Variants in ZFHX3 observed in about 807,000 individuals in gnomAD.
ZFHX3 encodes zinc finger homeobox protein 3.
ZFHX3 carries 42 observed loss-of-function variants against 279.1 expected under a neutral mutation model. That is an observed-to-expected ratio of 0.15 (90% CI 0.12 to 0.19). ZFHX3 has a LOEUF of 0.19. Ranked by LOEUF, ZFHX3 falls within the 10% of genes least tolerant of loss-of-function variation. ZFHX3 has a pLI of 1.00. For missense variants in ZFHX3, 4,981 were observed against 4,754.0 expected (o/e 1.05, Z -1.40); for synonymous variants, 2,293 against 1,957.8 (o/e 1.17, Z -4.52).
intron 2 of ZFHX3, among the ~76,000 whole-genome samples, chr16:73,644,276 T>C (rs995744743): frequency 6.6e-6 from 1 of 152,070 alleles, no homozygotes; most frequent in Non-Finnish European, 1.5e-5. Context: ...TCCCTGCACA[T>C]CTCCCTTTGG....
chr16:72,789,016 A>G, intron 9 of ZFHX3, 168 bp from the exon 10 acceptor site: 2 of 971,214 alleles, frequency 2.1e-6, no homozygotes, highest in Non-Finnish European at 2.9e-6. Context: ...TCAGGGCTGG[A>G]CAACCTTGTA....
intron 5 of ZFHX3, among the ~76,000 whole-genome samples, chr16:73,173,047 T>G (rs62052437): frequency 0.45 from 51,115 of 114,580 alleles, 12,145 homozygotes; most frequent in Middle Eastern, 0.53. Context: ...AAGAGAACAG[T>G]CAGGGAAGGG....
At chr16:73,515,833 T>C (rs1043815084) in intron 2 of ZFHX3, among the ~76,000 whole-genome samples, 2 of 152,202 alleles carry the variant, frequency 1.3e-5, no homozygotes, top group Admixed American at 1.3e-4. Context: ...GCTGTTTAAA[T>C]GCAATGATTA....
At chr16:72,990,737 C>A (rs1270188323) in intron 1 of ZFHX3, among the ~76,000 whole-genome samples, 2 of 152,098 alleles carry the variant, frequency 1.3e-5, no homozygotes, top group African/African-American at 4.8e-5. Flanking sequence ...TCCCAGTACT[C>A]TGAGAGTCCG....
chr16:73,236,449 G>C (rs1366746968), intron 5 of ZFHX3, among the ~76,000 whole-genome samples: 4 of 152,140 alleles, frequency 2.6e-5, no homozygotes, highest in Non-Finnish European at 5.9e-5. Flanking sequence ...AATTAGCCAG[G>C]CCTGGTGGCA....
At chr16:72,828,380 A>G (rs2036983741) in intron 5 of ZFHX3, among the ~76,000 whole-genome samples, 1 of 152,168 alleles carries the variant, frequency 6.6e-6, no homozygotes. Context: ...AAAAACCCTA[A>G]GCTTTTTTAG....
chr16:73,333,043 A>G (rs2015836209), intron 3 of ZFHX3, among the ~76,000 whole-genome samples: 1 of 151,238 alleles, frequency 6.6e-6, no homozygotes, highest in East Asian at 1.9e-4. Flanking sequence ...TCCCCCTTAC[A>G]TTTACTTACT....
chr16:72,882,997 T>G lies in ZFHX3; in HGVS notation c.3448+6734A>C, dbSNP rs906197167. 3.1e-4 allele frequency among the ~76,000 whole-genome samples: 40 copies of G among 127,246 alleles called. 2 individuals carry two copies. Among genetic ancestry groups the G allele is most frequent in the South Asian group, 8.3e-4 (3 of 3,624 alleles). 83.5% of individuals were successfully genotyped at this position (127,246 alleles called of 152,430 possible). ...TCTGGGGTGTGTGTGTGTGTGTGTGTGTGTGTGTGTGTGTGTGTGTGTGTG... is the reference window on the plus strand; with the variant it reads ...TCTGGGGTGTGTGTGTGTGTGTGTGGGTGTGTGTGTGTGTGTGTGTGTGTG... On this transcript the variant is annotated intron_variant, in intron 4 of 9. Coordinates refer to ENST00000268489, the MANE Select transcript of ZFHX3 (RefSeq NM_006885.4).
intron 1 of ZFHX3, among the ~76,000 whole-genome samples, chr16:73,820,087 T>C (rs1960689624): frequency 6.6e-6 from 1 of 152,156 alleles, no homozygotes; most frequent in Admixed American, 6.5e-5. Context: ...GGGCCAGTAC[T>C]GGGAGTAAGT....
chr16:73,029,704 G>A (rs916965957), intron 1 of ZFHX3, among the ~76,000 whole-genome samples: 1 of 152,210 alleles, frequency 6.6e-6, no homozygotes, highest in East Asian at 1.9e-4. Flanking sequence ...ATCCCAGCAG[G>A]GAACTCGATC....
intron 3 of ZFHX3, among the ~76,000 whole-genome samples, chr16:73,338,954 G>A (rs536170988): frequency 5.9e-5 from 9 of 152,196 alleles, no homozygotes; most frequent in East Asian, 1.9e-4. Flanking sequence ...TCCTGCCTTC[G>A]CCACGTGATG....
chr16:73,416,815 A>C (rs1323765591), intron 3 of ZFHX3, among the ~76,000 whole-genome samples: 1 of 149,156 alleles, frequency 6.7e-6, no homozygotes, highest in Non-Finnish European at 1.5e-5. Flanking sequence ...CGGAGCCTGC[A>C]GTGAGCCGAG....
chr16:73,348,845 T>C (rs4889000), intron 3 of ZFHX3, among the ~76,000 whole-genome samples: 20,598 of 152,142 alleles, frequency 0.14, 2,948 homozygotes, highest in East Asian at 0.45. Context: ...GACTTCTCAT[T>C]CATTGGAGGC....
At chr16:73,402,021 G>T (rs1439206516) in intron 3 of ZFHX3, 1 of 152,156 alleles carries the variant, frequency 6.6e-6, no homozygotes, top group Non-Finnish European at 1.5e-5. Context: ...ATGGAAATGT[G>T]GTCAAAATAC....
chr16:73,495,028 A>C (rs905096646), intron 2 of ZFHX3, among the ~76,000 whole-genome samples: 2 of 152,154 alleles, frequency 1.3e-5, no homozygotes, highest in Non-Finnish European at 2.9e-5. Context: ...CTGGCAGGGG[A>C]GGAAACAGCA....
chr16:73,282,314 C>T (rs2014478625), intron 4 of ZFHX3, among the ~76,000 whole-genome samples: 1 of 152,186 alleles, frequency 6.6e-6, no homozygotes, highest in Non-Finnish European at 1.5e-5. Context: ...GAAATCTAAA[C>T]AATTTTTCTT....
chr16:73,762,830 G>A (rs547310462), intron 1 of ZFHX3, among the ~76,000 whole-genome samples: 5 of 152,078 alleles, frequency 3.3e-5, no homozygotes, highest in Non-Finnish European at 7.4e-5. Flanking sequence ...CTGATGGAGT[G>A]GAGCAGAGAG....
chr16:73,072,876 ATTTC>A (rs773475001), intron 8 of ZFHX3, among the ~76,000 whole-genome samples: 3 of 149,724 alleles, frequency 2.0e-5, no homozygotes, highest in African/African-American at 2.5e-5. Flanking sequence ...GCGCATTCCT[ATTTC>A]TTTCTTTCTT....
intron 2 of ZFHX3, among the ~76,000 whole-genome samples, chr16:73,560,843 G>A (rs1052268689): frequency 1.3e-5 from 2 of 152,152 alleles, no homozygotes; most frequent in Non-Finnish European, 2.9e-5. Flanking sequence ...AAGACAGGCC[G>A]AGTTAAAACA....
Sources: allele counts gnomAD v4.1 joint callset (sites outside exome capture counted in the v4.1 genomes callset), GRCh38; gene constraint gnomAD v4.1.1; transcripts MANE v1.5; gene names NCBI Gene and HGNC (gene_info 2026-07-23, HGNC 2026-07-21).